The following IGSF23 variants were observed in gnomAD, a reference collection of about 807,000 sequenced individuals.
IGSF23 encodes the protein immunoglobulin superfamily member 23.
Under a neutral mutation model 17.8 loss-of-function variants are expected in IGSF23, and 14 were observed. That is an observed-to-expected ratio of 0.79 (90% CI 0.52 to 1.23). The LOEUF (loss-of-function observed/expected upper bound fraction) is 1.23. IGSF23 is among the 50% of genes most tolerant of loss of function. The pLI is 0.00. For synonymous variants in IGSF23, 85 were observed against 92.5 expected, an observed-to-expected ratio of 0.92 and a Z score of 0.46; for missense variants, 214 against 241.7, an observed-to-expected ratio of 0.89 and a Z score of 0.76.
At chr19:44,635,007 C>T (rs772329603) in intron 3 of IGSF23, among the ~76,000 whole-genome samples, 2 of 151,802 alleles carry the variant, frequency 1.3e-5, no homozygotes, top group African/African-American at 2.4e-5. Flanking sequence ...TGCTACAGAC[C>T]GGGGGGGCTT....
chr19:44,627,635 A>G (rs973576943), intron 3 of IGSF23, 62 bp downstream of exon 3: 88 of 1,479,788 alleles, frequency 5.9e-5, no homozygotes, highest in Non-Finnish European at 7.4e-5. Context: ...TGGGGCACAG[A>G]GCTGGCTCAA....
intron 3 of IGSF23, among the ~76,000 whole-genome samples, chr19:44,628,332 G>A (rs935544102): frequency 5.9e-5 from 9 of 152,260 alleles, no homozygotes; most frequent in African/African-American, 1.7e-4. Flanking sequence ...TGCAGTGACC[G>A]CTCTGTGCCA....
At chr19:44,613,968 C>T (rs1972310911) in intron 1 of IGSF23, 198 bp downstream of exon 1, 1 of 1,539,554 alleles carries the variant, frequency 6.5e-7, no homozygotes, top group Non-Finnish European at 8.8e-7. Context: ...CACACCCCTA[C>T]CTGGAGGAAG....
At chr19:44,622,962 C>A (rs1972553370) in intron 1 of IGSF23, among the ~76,000 whole-genome samples, 1 of 152,190 alleles carries the variant, frequency 6.6e-6, no homozygotes, top group African/African-American at 2.4e-5. Context: ...GTTTACCCCA[C>A]CCCCAGTCCA....
intron 3 of IGSF23, among the ~76,000 whole-genome samples, chr19:44,628,262 G>C (rs1972699044): frequency 6.6e-6 from 1 of 152,100 alleles, no homozygotes; most frequent in Non-Finnish European, 1.5e-5. Context: ...ATATTTCTAA[G>C]AAACTTAAAG....
Position 44,613,596 on chromosome 19 carries a change from G to A in IGSF23, c.-50G>A. 6.7e-7 allele frequency: 1 copy of A among 1,501,480 alleles called. No homozygotes were observed. The highest frequency in any genetic ancestry group is 2.5e-5 in the East Asian group (1 of 40,276). 93.0% of individuals were successfully genotyped at this position (1,501,480 alleles called of 1,614,324 possible). ...CCTTTGATGTGAGTGATAGGAGCGG[G>A]CGATTCTGCTTCTCCCTCCATCTCC... On this transcript the variant is annotated 5_prime_UTR_variant, in exon 1 of 5. Coordinates refer to ENST00000402988, the MANE Select transcript of IGSF23 (RefSeq NM_001205280.2).
At chr19:44,634,045 C>T (rs1276185426) in intron 3 of IGSF23, among the ~76,000 whole-genome samples, 2 of 152,228 alleles carry the variant, frequency 1.3e-5, no homozygotes, top group African/African-American at 4.8e-5. Flanking sequence ...AACAAGGGTC[C>T]ACAGACTCCT....
intron 3 of IGSF23, among the ~76,000 whole-genome samples, chr19:44,634,560 A>AGTC (rs1972843443): frequency 6.6e-6 from 1 of 152,256 alleles, no homozygotes; most frequent in East Asian, 1.9e-4. Flanking sequence ...AACTGACAGC[A>AGTC]GTCGCTCCAG....
chr19:44,627,718 C>G, intron 3 of IGSF23, 145 bp downstream of exon 3: 1 of 888,532 alleles, frequency 1.1e-6, no homozygotes, highest in Non-Finnish European at 1.7e-6. Flanking sequence ...CCATCTGACT[C>G]ACTGGTTTCC....
chr19:44,627,507 C>A lies in IGSF23; in HGVS notation c.479C>A (p.Ala160Glu). 6.4e-7 allele frequency: 1 copy of A among 1,550,494 alleles called. No homozygotes were observed. The highest frequency in any genetic ancestry group is 8.7e-7 in the Non-Finnish European group (1 of 1,146,968). ...LSGGSAIGLL[A>E]AGILGAGALI... ...GGAGGCTCTGCCATCGGGCTCCTTG[C>A]GGCTGGGATCCTGGGAGCCGGGGCA... Residue 160 changes from alanine to glutamate, a missense_variant, in exon 3 of 5, where the codon GCG becomes GAG. Transcript: ENST00000402988.
At chr19:44,624,496 G>T (rs1972597599) in intron 2 of IGSF23, among the ~76,000 whole-genome samples, 1 of 151,728 alleles carries the variant, frequency 6.6e-6, no homozygotes, top group African/African-American at 2.4e-5. Flanking sequence ...TGTTGTCCAG[G>T]CTGGTCTCGA....
chr19:44,634,758 G>A (rs780660005), intron 3 of IGSF23, among the ~76,000 whole-genome samples: 3 of 149,094 alleles, frequency 2.0e-5, no homozygotes, highest in Non-Finnish European at 4.4e-5. Context: ...CCAAAATAGC[G>A]CCACTGTACT....
intron 3 of IGSF23, among the ~76,000 whole-genome samples, chr19:44,629,606 T>G (rs1007873911): frequency 6.6e-6 from 1 of 151,160 alleles, no homozygotes. Flanking sequence ...GATCTTACCA[T>G]GTATTGAGCA....
intron 1 of IGSF23, among the ~76,000 whole-genome samples, chr19:44,619,999 A>G (rs1384023148): frequency 1.3e-5 from 2 of 152,166 alleles, no homozygotes; most frequent in African/African-American, 2.4e-5. Context: ...GGCCAGGCGC[A>G]GTGGCTCACG....
At position 44,616,782 on chromosome 19, in the gene IGSF23, A is replaced by G. The variant is rs1972389366; in HGVS notation, c.125+3012A>G. Reference sequence around the variant, plus strand: ...AAAACAGTAAAAGTTTCCAAAACATAGTGTTTATTTCTAGGAGTCTAAGTT... The same window carrying G: ...AAAACAGTAAAAGTTTCCAAAACATGGTGTTTATTTCTAGGAGTCTAAGTT... On this transcript the variant is annotated intron_variant, in intron 1 of 4. Transcript: ENST00000402988. Among the ~76,000 whole-genome samples, 4 of 151,468 alleles carry G rather than the reference A, an allele frequency of 2.6e-5. No individual in the cohort carries two copies. The South Asian group carries it at 8.3e-4, about 32-fold the overall frequency.
intron 2 of IGSF23, among the ~76,000 whole-genome samples, chr19:44,625,134 G>A (rs1235131786): frequency 6.6e-6 from 1 of 151,998 alleles, no homozygotes; most frequent in Non-Finnish European, 1.5e-5. Context: ...TTGAATCCCT[G>A]GCTGTGTGAC....
chr19:44,620,384 T>TGTGTGTGTGA (rs367864064), intron 1 of IGSF23, among the ~76,000 whole-genome samples: 5 of 142,960 alleles, frequency 3.5e-5, no homozygotes, highest in Non-Finnish European at 7.7e-5. Flanking sequence ...TGTGTGTGTG[T>TGTGTGTGTGA]GAGATGGAGC....
rs890742542 is a variant in IGSF23, at chr19:44,629,586, T to A, written c.545+2013T>A. ...CTAAAAATTAAAAAAATAATGTTTTTAAAAAACTTGATCTTACCATGTATT... is the reference window on the plus strand; with the variant it reads ...CTAAAAATTAAAAAAATAATGTTTTAAAAAAACTTGATCTTACCATGTATT... On this transcript the variant is annotated intron_variant, in intron 3 of 4. Coordinates refer to ENST00000402988, the MANE Select transcript of IGSF23 (RefSeq NM_001205280.2). Among the ~76,000 whole-genome samples, 5 of 150,516 alleles carry A rather than the reference T, an allele frequency of 3.3e-5. 1 individual carries two copies. The South Asian group carries it at 1.0e-3, about 32-fold the overall frequency.
At chr19:44,627,254 G>A (rs1001163604) in intron 2 of IGSF23, among the ~76,000 whole-genome samples, 166 bp from the exon 3 acceptor site, 5 of 152,242 alleles carry the variant, frequency 3.3e-5, no homozygotes, top group East Asian at 1.9e-4. Flanking sequence ...GTGGATGGGT[G>A]CTGGACTAGG....
Sources: gnomAD v4.1 joint callset for allele counts (sites outside exome capture counted in the v4.1 genomes callset) on GRCh38, gnomAD v4.1.1 for gene constraint, MANE v1.5 for transcripts, NCBI Gene and HGNC (gene_info 2026-07-23, HGNC 2026-07-21) for gene names.